Variants in PTPRD observed in about 807,000 individuals in gnomAD.
PTPRD encodes protein tyrosine phosphatase receptor type D.
In PTPRD, 34 loss-of-function variants were observed where a neutral mutation model predicts 214.5. That is an observed-to-expected ratio of 0.16 (90% CI 0.12 to 0.21). PTPRD has a LOEUF of 0.21. PTPRD is among the 10% of genes least tolerant of loss of function. PTPRD has a pLI of 1.00. For missense variants in PTPRD, 2,545 were observed against 2,398.7 expected (o/e 1.06, Z -1.27); for synonymous variants, 1,128 against 845.7 (o/e 1.33, Z -5.79).
chr9:9,459,502 A>G (rs1290107716), intron 8 of PTPRD, among the ~76,000 whole-genome samples: 1 of 152,132 alleles, frequency 6.6e-6, no homozygotes, highest in East Asian at 1.9e-4. Context: ...GATTTCAATA[A>G]ATTTTCAAGA....
chr9:9,278,068 G>C (rs1457318059), intron 9 of PTPRD, among the ~76,000 whole-genome samples: 2 of 151,322 alleles, frequency 1.3e-5, no homozygotes, highest in Admixed American at 1.3e-4. Flanking sequence ...TGCAATATAT[G>C]CTATTAAAGG....
chr9:10,209,181 T>C (rs890719284), intron 3 of PTPRD, among the ~76,000 whole-genome samples: 3 of 152,180 alleles, frequency 2.0e-5, no homozygotes, highest in Non-Finnish European at 2.9e-5. Flanking sequence ...GCTTTAAGTA[T>C]AGAATCAACT....
intron 4 of PTPRD, among the ~76,000 whole-genome samples, chr9:9,998,941 G>GT (rs916755909): frequency 1.7e-4 from 26 of 152,010 alleles, no homozygotes; most frequent in African/African-American, 4.4e-4. Flanking sequence ...ATTATCCTCA[G>GT]TTTTTTTTCC....
At chr9:9,012,987 T>C (rs923424910) in intron 11 of PTPRD, among the ~76,000 whole-genome samples, 4 of 152,072 alleles carry the variant, frequency 2.6e-5, no homozygotes, top group African/African-American at 9.7e-5. Flanking sequence ...CTAAATTTTT[T>C]GAATGAAAAA....
intron 5 of PTPRD, among the ~76,000 whole-genome samples, chr9:9,882,482 T>C (rs986412388): frequency 1.1e-4 from 16 of 152,140 alleles, no homozygotes; most frequent in African/African-American, 3.9e-4. Flanking sequence ...GGTACTGATA[T>C]ATTTTTATTT....
intron 10 of PTPRD, among the ~76,000 whole-genome samples, chr9:9,087,929 T>G (rs1032515778): frequency 4.0e-5 from 5 of 125,400 alleles, no homozygotes; most frequent in African/African-American, 1.5e-4. Context: ...CTCTGTTGCC[T>G]AGGCTAGAGT....
intron 14 of PTPRD, among the ~76,000 whole-genome samples, chr9:8,582,568 G>A (rs779352365): frequency 5.3e-5 from 8 of 151,904 alleles, no homozygotes; most frequent in Non-Finnish European, 1.2e-4. Context: ...ATATAATAGG[G>A]AAAAAAGGAA....
intron 4 of PTPRD, among the ~76,000 whole-genome samples, chr9:9,995,859 A>C (rs140397089): frequency 2.7e-4 from 41 of 152,250 alleles, no homozygotes; most frequent in African/African-American, 9.1e-4. Flanking sequence ...TCAATCCCCT[A>C]TTACTCAGTT....
At chr9:10,039,722 C>CTTT (rs33973561) in intron 3 of PTPRD, among the ~76,000 whole-genome samples, 1 of 151,002 alleles carries the variant, frequency 6.6e-6, no homozygotes, top group African/African-American at 2.4e-5. Context: ...AATTCTAAGA[C>CTTT]TTTTTTTTAT....
intron 36 of PTPRD, among the ~76,000 whole-genome samples, chr9:8,399,510 G>C (rs550947534): frequency 1.3e-5 from 2 of 152,006 alleles, no homozygotes; most frequent in African/African-American, 4.8e-5. Flanking sequence ...TCAGTTTTCT[G>C]TCTCTTTATT....
chr9:8,599,720 G>A (rs964597603), intron 14 of PTPRD, among the ~76,000 whole-genome samples: 5 of 149,534 alleles, frequency 3.3e-5, no homozygotes, highest in African/African-American at 7.4e-5. Context: ...GGGTTGAAGC[G>A]ATTCTCCTGC....
At chr9:9,887,716 G>A (rs2071501695) in intron 5 of PTPRD, among the ~76,000 whole-genome samples, 1 of 152,138 alleles carries the variant, frequency 6.6e-6, no homozygotes, top group Admixed American at 6.6e-5. Flanking sequence ...TATTTAATGG[G>A]AGGTGGAAAA....
intron 4 of PTPRD, among the ~76,000 whole-genome samples, chr9:9,940,754 A>C (rs1482838311): frequency 6.6e-6 from 1 of 152,168 alleles, no homozygotes; most frequent in Non-Finnish European, 1.5e-5. Context: ...TGTATTTTCA[A>C]ACTTCTGCAC....
chr9:8,848,313 CTTTT>C (rs371491854), intron 11 of PTPRD, among the ~76,000 whole-genome samples: 20 of 132,676 alleles, frequency 1.5e-4, no homozygotes, highest in Non-Finnish European at 2.5e-4. Flanking sequence ...AAGATTTTTC[CTTTT>C]TTTTTTTTTT....
intron 9 of PTPRD, among the ~76,000 whole-genome samples, chr9:9,189,069 A>T (rs1593198012): frequency 6.6e-6 from 1 of 152,198 alleles, no homozygotes; most frequent in Admixed American, 6.6e-5. Flanking sequence ...TGAACATGGT[A>T]TGTATCAGAA....
intron 3 of PTPRD, among the ~76,000 whole-genome samples, chr9:10,084,312 T>A (rs1401578502): frequency 1.3e-5 from 2 of 152,002 alleles, no homozygotes; most frequent in Non-Finnish European, 1.5e-5. Context: ...GTAATGTTAG[T>A]TACTATGTTG....
At chr9:10,327,996 T>C (rs1253753161) in intron 3 of PTPRD, among the ~76,000 whole-genome samples, 1 of 151,720 alleles carries the variant, frequency 6.6e-6, no homozygotes, top group Non-Finnish European at 1.5e-5. Flanking sequence ...GGATATAAAA[T>C]AAAGAGATAA....
chr9:9,947,522 TTATATATATTTTATATATAA>T (rs2092872796), intron 4 of PTPRD, among the ~76,000 whole-genome samples: 2 of 20,808 alleles, frequency 9.6e-5, no homozygotes, highest in African/African-American at 4.8e-4. Flanking sequence ...AATATATATA[TTATATATATTTTATATATAA>T]TATATATATT....
intron 7 of PTPRD, among the ~76,000 whole-genome samples, chr9:9,626,843 C>T (rs1041497293): frequency 2.0e-5 from 3 of 152,154 alleles, no homozygotes; most frequent in African/African-American, 7.2e-5. Flanking sequence ...CTGTTTTTCT[C>T]ACCAACATAA....
Sources: allele counts gnomAD v4.1 joint callset (sites outside exome capture counted in the v4.1 genomes callset), GRCh38; gene constraint gnomAD v4.1.1; transcripts MANE v1.5; gene names NCBI Gene and HGNC (gene_info 2026-07-23, HGNC 2026-07-21).